ZBTB41: variants seen among roughly 807,000 people sequenced by gnomAD.
ZBTB41 encodes the protein zinc finger and BTB domain-containing protein 41.
ZBTB41 carries 42 observed loss-of-function variants against 87.6 expected under a neutral mutation model. The observed-to-expected ratio is 0.48, with a 90% confidence interval of 0.37 to 0.62. The LOEUF is 0.62. Among genes scored for constraint, ZBTB41 ranks in the 20% least tolerant of loss-of-function variants. The pLI, the probability that ZBTB41 is intolerant of heterozygous loss-of-function variation, is 0.00. For synonymous variants in ZBTB41, 364 were observed against 364.0 expected, an observed-to-expected ratio of 1.00 and a Z score of 0.00; for missense variants, 799 against 1,078.9, an observed-to-expected ratio of 0.74 and a Z score of 3.63.
At chr1:197,180,886 C>A in intron 6 of ZBTB41, 102 bp downstream of exon 6, 1 of 1,232,292 alleles carries the variant, frequency 8.1e-7, no homozygotes, top group Non-Finnish European at 1.1e-6. Flanking sequence ...ACAATTCATG[C>A]ATTTTGTGTC....
intron 5 of ZBTB41, among the ~76,000 whole-genome samples, chr1:197,183,368 G>A (rs1200130612): frequency 6.6e-6 from 1 of 152,162 alleles, no homozygotes; most frequent in African/African-American, 2.4e-5. Flanking sequence ...GGAAGTCTGA[G>A]AGGCTGTTCC....
At position 197,157,745 on chromosome 1, in the gene ZBTB41, C is replaced by T. The variant is rs1659102929; in HGVS notation, c.*1614G>A. 1 of 152,298 alleles carries T rather than the reference C, an allele frequency of 6.6e-6. No homozygotes were observed. Among genetic ancestry groups the T allele is most frequent in the South Asian group, 2.1e-4 (1 of 4,828 alleles). The allele number at this position is 152,298 out of a possible 1,614,324, so 9.4% of individuals were successfully genotyped here. On this transcript the variant is annotated 3_prime_UTR_variant, in exon 11 of 11. Transcript: ENST00000367405. ...TTTCAATATTTCTTTTGTTTTACCTCCGCTAGTATGGCGAATGTTGCTGTA... is the reference window on the plus strand; with the variant it reads ...TTTCAATATTTCTTTTGTTTTACCTTCGCTAGTATGGCGAATGTTGCTGTA...
rs372006769 is a variant in ZBTB41, at chr1:197,183,938, G to C, written c.1547-2821C>G. Among the ~76,000 whole-genome samples, 19 of 152,264 alleles carry C rather than the reference G, an allele frequency of 1.2e-4. No individual in the cohort carries two copies. In the East Asian group the frequency reaches 3.3e-3, roughly 26 times the overall value. On this transcript the variant is annotated intron_variant, in intron 5 of 10. Coordinates refer to ENST00000367405, the MANE Select transcript of ZBTB41 (RefSeq NM_194314.3). The stretch of plus-strand genomic sequence containing the variant: ...AGTAAGGTAAGTTCAGCATATGCTT[G>C]TATACTTGTATAATTTCACTGATGG...
chr1:197,193,385 C>CA lies in ZBTB41; in HGVS notation c.1121-1487dup, dbSNP rs202017772. Reference sequence around the variant, plus strand: ...AACCCCAACTCTACAAAAAAACAAACAAAAAAAAAACCAAAAAAACAAAAA... The same window carrying CA: ...AACCCCAACTCTACAAAAAAACAAACAAAAAAAAAAACCAAAAAAACAAAAA... On this transcript the variant is annotated intron_variant, in intron 2 of 10. Coordinates refer to ENST00000367405, the MANE Select transcript of ZBTB41 (RefSeq NM_194314.3). 2.0e-3 allele frequency among the ~76,000 whole-genome samples: 287 copies of CA among 140,172 alleles called. 1 individual carries two copies. The highest frequency in any genetic ancestry group is 2.4e-3 in the Non-Finnish European group (151 of 63,762). The allele number at this position is 140,172 out of a possible 152,430, so 92.0% of individuals were successfully genotyped here.
At chr1:197,178,353 A>G in intron 7 of ZBTB41, 64 bp downstream of exon 7, 1 of 1,149,294 alleles carries the variant, frequency 8.7e-7, no homozygotes, top group Non-Finnish European at 1.2e-6. Context: ...TAATAAGAAA[A>G]TAGAACTAAA....
rs116181398 is a variant in ZBTB41 at position 197,192,403 on chromosome 1, T to A, written c.1121-504A>T. ...CTCTATATGCCTCAAATCTTCCTCA[T>A]CTGAAAAACTGCGGTAATAACAGAA... On this transcript the variant is annotated intron_variant, in intron 2 of 10. Transcript: ENST00000367405. Among the ~76,000 whole-genome samples, 681 of 152,228 alleles carry A rather than the reference T, an allele frequency of 4.5e-3. 4 individuals are homozygous for A. Among genetic ancestry groups the A allele is most frequent in the African/African-American group, 0.016 (651 of 41,544 alleles).
In ZBTB41 at chr1:197,190,743, TTTA is replaced by T; in HGVS notation, c.1398+16_1398+18del. 6.6e-7 allele frequency: 1 copy of T among 1,524,284 alleles called. No homozygotes were observed. The highest frequency in any genetic ancestry group is 9.0e-7 in the Non-Finnish European group (1 of 1,110,906). The allele number at this position is 1,524,284 out of a possible 1,614,324, so 94.4% of individuals were successfully genotyped here. A position where few individuals can be genotyped will look rare whatever the true frequency, so the allele number is the denominator to read the frequency against. On this transcript the variant is annotated intron_variant, in intron 4 of 10. Coordinates refer to ENST00000367405, the MANE Select transcript of ZBTB41 (RefSeq NM_194314.3). ...CATTTACTTTGGTTTTCTAATTTGT[TTTA>T]ATTAAAAACTCTTACATCACATTTC...
Position 197,199,406 on chromosome 1 carries a change from G to T in ZBTB41, c.1068C>A (p.Ser356Arg), listed in dbSNP as rs777881202. 9.4e-6 allele frequency: 15 copies of T among 1,587,620 alleles called. No homozygotes were observed. In the Admixed American group the frequency reaches 9.5e-5, roughly 10 times the overall value. Residue 356 changes from serine to arginine, a missense_variant, in exon 2 of 11, where the codon AGC (serine) becomes AGA (arginine). Ser to Arg is a moderately radical substitution (Grantham distance 110). Transcript: ENST00000367405. ...TAGGACACTGCAATATTTTTTTGTT[G>T]CTGTTCTGAATGACCACTGGAGTTA... ...EGLTPVVIQN[S>R]NKKILQCPKC...
Position 197,178,518 on chromosome 1 carries a change from T to A in ZBTB41, c.1677-6A>T. 1 of 1,592,980 alleles carries A rather than the reference T, an allele frequency of 6.3e-7. No individual in the cohort carries two copies. ...AATGTTCTTTCAAAGTAGTTCTGCA[T>A]TAAAATATATAGATTCGAGATTTTT... On this transcript the variant is annotated splice_region_variant and splice_polypyrimidine_tract_variant and intron_variant, in intron 6 of 10. Coordinates refer to ENST00000367405, the MANE Select transcript of ZBTB41 (RefSeq NM_194314.3).
chr1:197,170,386 A>C (rs1456772635), intron 10 of ZBTB41, among the ~76,000 whole-genome samples: 3 of 151,996 alleles, frequency 2.0e-5, no homozygotes, highest in African/African-American at 4.8e-5. Flanking sequence ...ATTTTACTCT[A>C]TCTCTACATT....
chr1:197,180,934 T>C (rs1659730453), intron 6 of ZBTB41, 54 bp downstream of exon 6: 2 of 1,531,804 alleles, frequency 1.3e-6, no homozygotes, highest in Admixed American at 2.4e-5. Flanking sequence ...TATTGATTGA[T>C]TATTTCTACA....
At chr1:197,165,940 G>C (rs915755257) in intron 10 of ZBTB41, among the ~76,000 whole-genome samples, 3 of 152,104 alleles carry the variant, frequency 2.0e-5, no homozygotes, top group African/African-American at 7.2e-5. Flanking sequence ...TGCAGCCCAT[G>C]GGGGGCGAGC....
chr1:197,188,551 C>T lies in ZBTB41; in HGVS notation c.1399-112G>A, dbSNP rs769349918. The T allele has an allele frequency of 2.9e-4, 308 of 1,068,218 alleles. 1 individual carries two copies. Among genetic ancestry groups the T allele is most frequent in the Non-Finnish European group, 3.8e-4 (297 of 776,606 alleles). The allele number at this position is 1,068,218 out of a possible 1,614,324, so 66.2% of individuals were successfully genotyped here. ...TTCAATAAAGAGACTTTTCTCCCAA[C>T]AGAAAACTTACAAAAAGTAAAATTC... is the stretch of plus-strand genomic sequence containing the variant. On this transcript the variant is annotated intron_variant, in intron 4 of 10. Transcript: ENST00000367405.
intron 5 of ZBTB41, among the ~76,000 whole-genome samples, chr1:197,187,188 T>A (rs1465152258): frequency 6.6e-6 from 1 of 151,402 alleles, no homozygotes; most frequent in African/African-American, 2.5e-5. Flanking sequence ...ATCCAGCCCC[T>A]GTTTTCCAAG....
rs773598991 is a variant in ZBTB41 at position 197,159,710 on chromosome 1, C to T, written c.2379G>A (p.Ser793=). The change falls in exon 11 of 11, where the codon TCG becomes TCA. Residue 793 remains serine (S), a synonymous_variant. Coordinates refer to ENST00000367405, the MANE Select transcript of ZBTB41 (RefSeq NM_194314.3). ...QYMDQPKVYQ[S]EAKTMLQNVS... is the part of the protein sequence containing the mutation. ...CATTCTGTAACATCGTCTTGGCTTC[C>T]GACTGATAAACTTTGGGCTGGTCCA... 48 of 1,613,938 alleles carry T rather than the reference C, an allele frequency of 3.0e-5. No homozygotes were observed. Among genetic ancestry groups the T allele is most frequent in the South Asian group, 2.2e-4 (20 of 91,068 alleles).
At chr1:197,181,882 G>C (rs532132606) in intron 5 of ZBTB41, among the ~76,000 whole-genome samples, 1 of 152,134 alleles carries the variant, frequency 6.6e-6, no homozygotes, top group South Asian at 2.1e-4. Flanking sequence ...TTAGAAATGA[G>C]AGATGACCTC....
At chr1:197,196,268 T>G (rs1660159667) in intron 2 of ZBTB41, among the ~76,000 whole-genome samples, 1 of 152,146 alleles carries the variant, frequency 6.6e-6, no homozygotes, top group Admixed American at 6.5e-5. Flanking sequence ...GTGTTGTTAT[T>G]TTTTTAAATA....
At chr1:197,187,528 T>C (rs1030927676) in intron 5 of ZBTB41, among the ~76,000 whole-genome samples, 4 of 152,206 alleles carry the variant, frequency 2.6e-5, no homozygotes, top group African/African-American at 7.2e-5. Flanking sequence ...ACAATGGAAA[T>C]GTGATGTAAA....
chr1:197,165,391 C>T (rs570988033), intron 10 of ZBTB41, among the ~76,000 whole-genome samples: 19 of 151,996 alleles, frequency 1.3e-4, no homozygotes, highest in African/African-American at 4.3e-4. Flanking sequence ...GGGCGGATCA[C>T]GAGGTCAGGA....
Sources: allele counts gnomAD v4.1 joint callset (sites outside exome capture counted in the v4.1 genomes callset), GRCh38; gene constraint gnomAD v4.1.1; transcripts MANE v1.5; gene names NCBI Gene and HGNC (gene_info 2026-07-23, HGNC 2026-07-21).